The following ATOSA variants were observed in gnomAD, a reference collection of about 807,000 sequenced individuals.
ATOSA encodes atos homolog A, also known as atos homolog protein A.
the ATOSA span, chr15:52,587,448 C>A: frequency 3.6e-4 from 133 of 365,528 alleles, no homozygotes; most frequent in East Asian, 6.5e-3. Flanking sequence ...ATGGCCACAG[C>A]ACTCAAAATT....
chr15:52,707,583 G>C, the ATOSA span, among the ~76,000 whole-genome samples: 1 of 152,208 alleles, frequency 6.6e-6, no homozygotes, highest in East Asian at 1.9e-4. Flanking sequence ...TGGGAGAAAA[G>C]TATTACTGTT....
chr15:52,608,318 T>A, the ATOSA span, among the ~76,000 whole-genome samples: 1 of 152,232 alleles, frequency 6.6e-6, no homozygotes, highest in Admixed American at 6.5e-5. Context: ...AACAGTTTTT[T>A]AAAAAGGTAC....
chr15:52,674,257 C>T, the ATOSA span, among the ~76,000 whole-genome samples: 1 of 149,186 alleles, frequency 6.7e-6, no homozygotes, highest in Non-Finnish European at 1.5e-5. Context: ...GTTATGTTGC[C>T]CAGGGTGGTC....
the ATOSA span, chr15:52,608,588 G>T: frequency 6.4e-7 from 1 of 1,573,154 alleles, no homozygotes; most frequent in Non-Finnish European, 8.6e-7. Context: ...GTATTTTTTG[G>T]TTGCTCACAT....
At chr15:52,635,274 AACTTG>A in the ATOSA span, among the ~76,000 whole-genome samples, 15 of 152,310 alleles carry the variant, frequency 9.8e-5, no homozygotes, top group East Asian at 3.9e-4. Context: ...AAATATAGAA[AACTTG>A]ACTTGACATT....
chr15:52,591,235 T>C, the ATOSA span, among the ~76,000 whole-genome samples: 5 of 152,192 alleles, frequency 3.3e-5, no homozygotes, highest in Non-Finnish European at 7.4e-5. Context: ...CAGTATTTTA[T>C]TTTATTTATT....
the ATOSA span, chr15:52,605,052 A>G: frequency 2.1e-6 from 2 of 969,950 alleles, no homozygotes; most frequent in Non-Finnish European, 3.0e-6. Flanking sequence ...ATTTTTTTCA[A>G]TTAAAATTTG....
the ATOSA span, among the ~76,000 whole-genome samples, chr15:52,695,939 A>G: frequency 6.6e-6 from 1 of 152,122 alleles, no homozygotes; most frequent in African/African-American, 2.4e-5. Flanking sequence ...TGCAGCTGCA[A>G]CTCAATGAAT....
At chr15:52,665,030 C>G in the ATOSA span, among the ~76,000 whole-genome samples, 1 of 152,144 alleles carries the variant, frequency 6.6e-6, no homozygotes, top group Non-Finnish European at 1.5e-5. Flanking sequence ...AAATATTGCA[C>G]GTTCTCACTT....
the ATOSA span, among the ~76,000 whole-genome samples, chr15:52,639,194 G>A: frequency 2.0e-5 from 3 of 152,024 alleles, no homozygotes; most frequent in Middle Eastern, 3.4e-3. Flanking sequence ...CTTTGGGCCT[G>A]AAAATCAGAC....
At chr15:52,587,363 T>TTCTATG in the ATOSA span, 11 of 645,238 alleles carry the variant, frequency 1.7e-5, no homozygotes, top group South Asian at 2.5e-4. Context: ...TAGAGATACA[T>TTCTATG]TCTATGTTTC....
chr15:52,660,369 A>G, the ATOSA span, among the ~76,000 whole-genome samples: 3 of 152,286 alleles, frequency 2.0e-5, no homozygotes, highest in South Asian at 6.2e-4. Flanking sequence ...TTCCTAAAGC[A>G]TGCCAGACTC....
chr15:52,607,538 C>T, the ATOSA span, among the ~76,000 whole-genome samples: 1 of 152,036 alleles, frequency 6.6e-6, no homozygotes, highest in South Asian at 2.1e-4. Flanking sequence ...GGTGGGGGCG[C>T]CAGTTGAATC....
chr15:52,608,826 C>A, the ATOSA span: 3 of 1,604,786 alleles, frequency 1.9e-6, no homozygotes, highest in South Asian at 3.4e-5. Flanking sequence ...CATATTTGTT[C>A]AAATATTCAG....
chr15:52,608,175 G>T, the ATOSA span, among the ~76,000 whole-genome samples: 2 of 152,132 alleles, frequency 1.3e-5, no homozygotes, highest in Non-Finnish European at 2.9e-5. Context: ...TAGGCTGTGA[G>T]CCATTGTGCC....
At chr15:52,635,574 C>T in the ATOSA span, among the ~76,000 whole-genome samples, 15 of 152,012 alleles carry the variant, frequency 9.9e-5, no homozygotes, top group Non-Finnish European at 1.9e-4. Flanking sequence ...TGTGAGCCTG[C>T]AGTCCCAGCT....
chr15:52,596,641 T>C, the ATOSA span, among the ~76,000 whole-genome samples: 1 of 152,186 alleles, frequency 6.6e-6, no homozygotes, highest in South Asian at 2.1e-4. Context: ...GAACTAGGCA[T>C]GGGGGTACTA....
chr15:52,696,570 C>A, the ATOSA span, among the ~76,000 whole-genome samples: 1 of 152,128 alleles, frequency 6.6e-6, no homozygotes, highest in Non-Finnish European at 1.5e-5. Context: ...TTACATCTAA[C>A]TGAAATTTAG....
the ATOSA span, among the ~76,000 whole-genome samples, chr15:52,646,761 T>TA: frequency 0.011 from 1,622 of 152,252 alleles, 24 homozygotes; most frequent in African/African-American, 0.036. Context: ...CAAATTATGT[T>TA]AAAAAAAGTT....
Sources: gnomAD v4.1 joint callset for allele counts (sites outside exome capture counted in the v4.1 genomes callset) on GRCh38, gnomAD v4.1.1 for gene constraint, MANE v1.5 for transcripts, NCBI Gene and HGNC (gene_info 2026-07-23, HGNC 2026-07-21) for gene names.